Variants in PIK3C2G observed in about 807,000 individuals in gnomAD.
PIK3C2G encodes phosphatidylinositol-4-phosphate 3-kinase catalytic subunit type 2 gamma.
Under a neutral mutation model 181.1 loss-of-function variants are expected in PIK3C2G, and 168 were observed. The ratio of observed to expected loss-of-function variants is 0.93; its 90% CI spans 0.82 to 1.05. The LOEUF (loss-of-function observed/expected upper bound fraction) is 1.05. Ranked by LOEUF, PIK3C2G falls within the 50% of genes least tolerant of loss-of-function variation. The pLI is 0.00. For missense variants in PIK3C2G, 1,869 were observed against 1,732.8 expected (o/e 1.08, Z -1.40); for synonymous variants, 573 against 592.2 (o/e 0.97, Z 0.47).
chr12:18,262,720 C>A (rs909576260), intron 1 of PIK3C2G, among the ~76,000 whole-genome samples: 1 of 151,910 alleles, frequency 6.6e-6, no homozygotes, highest in African/African-American at 2.4e-5. Context: ...CCATTGTGAA[C>A]CCCAAGGCTA....
intron 1 of PIK3C2G, among the ~76,000 whole-genome samples, chr12:18,273,953 T>C (rs1948860216): frequency 6.6e-6 from 1 of 151,290 alleles, no homozygotes; most frequent in Non-Finnish European, 1.5e-5. Flanking sequence ...CAAACAAATT[T>C]ACAAGAAAAA....
chr12:18,391,496 T>A (rs984335889), intron 15 of PIK3C2G, among the ~76,000 whole-genome samples: 1 of 152,114 alleles, frequency 6.6e-6, no homozygotes, highest in Non-Finnish European at 1.5e-5. Context: ...GTTATTCAGT[T>A]CAAAATAACA....
At chr12:18,373,637 C>G (rs1366206096) in intron 13 of PIK3C2G, among the ~76,000 whole-genome samples, 2 of 152,080 alleles carry the variant, frequency 1.3e-5, no homozygotes, top group East Asian at 1.9e-4. Flanking sequence ...ATCACAAGGT[C>G]AGGAGATCGA....
chr12:18,691,784 G>A, the PIK3C2G span, among the ~76,000 whole-genome samples: 1 of 152,130 alleles, frequency 6.6e-6, no homozygotes, highest in African/African-American at 2.4e-5. Flanking sequence ...GGCAATTGCT[G>A]CCTATCCATT....
chr12:18,692,726 A>G, the PIK3C2G span: 1 of 866,782 alleles, frequency 1.2e-6, no homozygotes, highest in Non-Finnish European at 1.9e-6. Flanking sequence ...ATCAACATAA[A>G]GAAAAAATGT....
chr12:18,392,903 CAT>C (rs1288731940), intron 15 of PIK3C2G, among the ~76,000 whole-genome samples: 1 of 152,028 alleles, frequency 6.6e-6, no homozygotes, highest in Admixed American at 6.6e-5. Flanking sequence ...AGAAAATTCT[CAT>C]AGTCTTCATG....
At chr12:18,387,981 A>C (rs1943283222) in intron 14 of PIK3C2G, among the ~76,000 whole-genome samples, 1 of 152,194 alleles carries the variant, frequency 6.6e-6, no homozygotes, top group Non-Finnish European at 1.5e-5. Context: ...ACTCATTCGA[A>C]GTATTTTACT....
At chr12:18,503,697 C>T (rs1000110732) in intron 23 of PIK3C2G, among the ~76,000 whole-genome samples, 23 of 152,124 alleles carry the variant, frequency 1.5e-4, no homozygotes, top group African/African-American at 5.3e-4. Flanking sequence ...AACAATAACC[C>T]TTGAAATTAC....
the PIK3C2G span, among the ~76,000 whole-genome samples, chr12:18,668,318 C>A: frequency 6.6e-6 from 1 of 151,984 alleles, no homozygotes; most frequent in African/African-American, 2.4e-5. Flanking sequence ...TTTGGAAAGT[C>A]AGAGAAACTA....
chr12:18,699,993 T>C, the PIK3C2G span: 1 of 1,560,490 alleles, frequency 6.4e-7, no homozygotes, highest in Non-Finnish European at 8.7e-7. Flanking sequence ...ATGCTAATCA[T>C]TGGGAAAAAA....
intron 16 of PIK3C2G, among the ~76,000 whole-genome samples, chr12:18,416,166 A>G (rs562913471): frequency 6.6e-6 from 1 of 152,254 alleles, no homozygotes; most frequent in South Asian, 2.1e-4. Context: ...AATCACTTGA[A>G]TCTGGGAAGC....
chr12:18,414,297 A>G (rs1403700565), intron 16 of PIK3C2G, among the ~76,000 whole-genome samples: 1 of 152,170 alleles, frequency 6.6e-6, no homozygotes, highest in East Asian at 1.9e-4. Flanking sequence ...TTTTCTTAGC[A>G]ATTAATAAAA....
intron 31 of PIK3C2G, among the ~76,000 whole-genome samples, chr12:18,633,521 G>A (rs373559903): frequency 1.3e-5 from 2 of 152,260 alleles, no homozygotes; most frequent in African/African-American, 4.8e-5. Flanking sequence ...CCTTCAAGAC[G>A]GGTCTGGGCC....
the PIK3C2G span, chr12:18,699,988 A>G: frequency 0.025 from 39,128 of 1,567,630 alleles, 596 homozygotes; most frequent in Non-Finnish European, 0.03. Context: ...TTTTTATGCT[A>G]ATCATTGGGA....
At position 18,609,584 on chromosome 12, in the gene PIK3C2G, C is replaced by T. The variant is rs369911369; in HGVS notation, c.4137C>T (p.Tyr1379=). The stretch of plus-strand genomic sequence containing the variant: ...CTAAGGTGCAGTTAGTCATATCCTA[C>T]GAGGATGTGAAGCTGACCATACTAG... The part of the protein sequence containing the change: ...KKPKVQLVIS[Y]EDVKLTILVK... The change falls in exon 31 of 33, where the codon TAC becomes TAT. Residue 1379 remains tyrosine, a synonymous_variant. Transcript: ENST00000538779. 2.1e-5 allele frequency: 33 copies of T among 1,587,700 alleles called. No individual in the cohort carries two copies. Among genetic ancestry groups the T allele is most frequent in the Non-Finnish European group, 2.4e-5 (28 of 1,165,358 alleles).
At chr12:18,387,862 G>A (rs530702716) in intron 14 of PIK3C2G, among the ~76,000 whole-genome samples, 2 of 152,290 alleles carry the variant, frequency 1.3e-5, no homozygotes, top group African/African-American at 4.8e-5. Context: ...CTGCCCACAC[G>A]TATGTCTCAA....
chr12:18,556,496 G>T (rs990256462), intron 26 of PIK3C2G, among the ~76,000 whole-genome samples: 1 of 152,154 alleles, frequency 6.6e-6, no homozygotes, highest in Non-Finnish European at 1.5e-5. Context: ...GCATAGTTGA[G>T]ATTTTTGTGA....
the PIK3C2G span, among the ~76,000 whole-genome samples, chr12:18,707,498 G>C: frequency 7.2e-5 from 11 of 152,044 alleles, no homozygotes; most frequent in African/African-American, 2.7e-4. Context: ...TGGATGTTGA[G>C]GAGTTTGCTC....
At chr12:18,483,389 T>C (rs986809196) in intron 18 of PIK3C2G, among the ~76,000 whole-genome samples, 2 of 152,194 alleles carry the variant, frequency 1.3e-5, no homozygotes, top group Non-Finnish European at 2.9e-5. Flanking sequence ...CATAGGCCTA[T>C]TCACACTTTT....
Sources: allele counts gnomAD v4.1 joint callset (sites outside exome capture counted in the v4.1 genomes callset), GRCh38; gene constraint gnomAD v4.1.1; transcripts MANE v1.5; gene names NCBI Gene and HGNC (gene_info 2026-07-23, HGNC 2026-07-21).